The following PPIG variants were observed in gnomAD, a reference collection of about 807,000 sequenced individuals.
PPIG encodes the protein peptidylprolyl isomerase G.
A neutral mutation model predicts 87.9 loss-of-function variants in PPIG; 26 were observed. The observed-to-expected ratio is 0.30, with a 90% CI of 0.22 to 0.41. PPIG has a LOEUF of 0.41. Among genes scored for constraint, PPIG ranks in the 10% least tolerant of loss-of-function variants. The probability of loss-of-function intolerance (pLI) is 1.00; values close to 1 mark genes in which losing one functional copy is unlikely to be tolerated. For synonymous variants in PPIG, 308 were observed against 276.5 expected (o/e 1.11, Z -1.13); for missense variants, 722 against 879.4 (o/e 0.82, Z 2.26).
chr2:169,584,573 G>C (rs568299373), intron 1 of PPIG, 83 bp downstream of exon 1: 2 of 452,996 alleles, frequency 4.4e-6, no homozygotes, highest in East Asian at 1.4e-4. Context: ...CCTGGGAAGA[G>C]GGGCGGAGCC....
chr2:169,600,295 G>A (rs1427777458), intron 1 of PPIG, among the ~76,000 whole-genome samples: 1 of 151,908 alleles, frequency 6.6e-6, no homozygotes, highest in East Asian at 1.9e-4. Flanking sequence ...GGCTGGTCTC[G>A]AACAGCTGGA....
rs1347570866 is a variant in PPIG at position 169,608,747 on chromosome 2, A to T, written c.366A>T (p.Ser122=). 4 of 1,596,738 alleles carry T rather than the reference A, an allele frequency of 2.5e-6. No homozygotes were observed. Among genetic ancestry groups the T allele is most frequent in the Non-Finnish European group, 3.4e-6 (4 of 1,165,272 alleles). ...ACAGAGGGAAGGATACAAATGGTTC[A>T]CAGTTCTTCATGTAAGTATTTATTA... ...MANRGKDTNG[S]QFFITTKPTP... Residue 122 remains serine, a synonymous_variant, in exon 7 of 14, where the codon TCA becomes TCT. Transcript: ENST00000260970.
chr2:169,597,086 A>C (rs989561941), intron 1 of PPIG, among the ~76,000 whole-genome samples: 9 of 152,220 alleles, frequency 5.9e-5, no homozygotes, highest in Non-Finnish European at 1.0e-4. Context: ...TGCAATAAAC[A>C]TAGGAGTGAA....
chr2:169,605,820 C>T (rs13392699), intron 4 of PPIG, among the ~76,000 whole-genome samples: 2,430 of 151,958 alleles, frequency 0.016, 67 homozygotes, highest in African/African-American at 0.056. Context: ...TAAAACCAAA[C>T]ATTAGTTGTA....
At chr2:169,622,960 C>CA (rs1685796699) in intron 9 of PPIG, among the ~76,000 whole-genome samples, 1 of 152,012 alleles carries the variant, frequency 6.6e-6, no homozygotes, top group African/African-American at 2.4e-5. Flanking sequence ...TGAAAGAAAA[C>CA]AAAAAGACTT....
At position 169,640,322 on chromosome 2, in the gene PPIG, A is replaced by G. The variant is rs1418088547; in HGVS notation, c.*2799A>G. ...TGTGCCTAGTGGAAGGTATGGAGCT[A>G]AACAATTAAAGAACTCTTCATTATG... is the stretch of plus-strand genomic sequence containing the variant. On this transcript the variant is annotated 3_prime_UTR_variant, in exon 14 of 14. Coordinates refer to ENST00000260970, the MANE Select transcript of PPIG (RefSeq NM_004792.3). 2 of 152,212 alleles carry G rather than the reference A, an allele frequency of 1.3e-5. No homozygotes were observed. Among genetic ancestry groups the G allele is most frequent in the Non-Finnish European group, 2.9e-5 (2 of 68,042 alleles). The allele number at this position is 152,212 out of a possible 1,614,324, so 9.4% of individuals were successfully genotyped here. A position where few individuals can be genotyped will look rare whatever the true frequency, so the allele number is the denominator to read the frequency against.
In PPIG at chr2:169,599,957, A is replaced by G. The variant is rs140251476; in HGVS notation, c.-69-3685A>G. On this transcript the variant is annotated intron_variant, in intron 1 of 13. Coordinates refer to ENST00000260970, the MANE Select transcript of PPIG (RefSeq NM_004792.3). ...AAGTTCAAATCTGTTTATCTCCATT[A>G]TTTACTTCATTAGTGAATCTAAAAA... Among the ~76,000 whole-genome samples, 1,055 of 152,092 alleles carry G rather than the reference A, an allele frequency of 6.9e-3. 3 individuals are homozygous for G. The highest frequency in any genetic ancestry group is 0.033 in the South Asian group (157 of 4,824).
intron 1 of PPIG, among the ~76,000 whole-genome samples, chr2:169,585,596 G>A (rs923631494): frequency 6.6e-5 from 10 of 152,266 alleles, no homozygotes; most frequent in Non-Finnish European, 1.2e-4. Flanking sequence ...GTCTAGATGT[G>A]CTGGCAAGGA....
intron 1 of PPIG, among the ~76,000 whole-genome samples, chr2:169,587,640 G>A (rs1684740780): frequency 6.6e-6 from 1 of 152,000 alleles, no homozygotes; most frequent in African/African-American, 2.4e-5. Flanking sequence ...ATAAGAACTC[G>A]GTATTTTTAT....
intron 1 of PPIG, among the ~76,000 whole-genome samples, chr2:169,603,312 A>G (rs771173450): frequency 6.6e-6 from 1 of 152,156 alleles, no homozygotes; most frequent in Non-Finnish European, 1.5e-5. Flanking sequence ...TATCAAAATA[A>G]TGTCTGTTAA....
rs559229004 is a variant in PPIG at position 169,636,021 on chromosome 2, C to T, written c.1018-71C>T. 195 of 1,224,240 alleles carry T rather than the reference C, an allele frequency of 1.6e-4. 3 individuals carry two copies. The South Asian group carries it at 3.2e-3, about 20-fold the overall frequency. The allele number at this position is 1,224,240 out of a possible 1,614,324, so 75.8% of individuals were successfully genotyped here. On this transcript the variant is annotated intron_variant, in intron 12 of 13. Transcript: ENST00000260970. ...CTGACCCTCACCCCAGTACTTCCCT[C>T]CCTCCCAGCACCCATGCGAGTCCCT...
chr2:169,610,045 G>A (rs1311158551), intron 7 of PPIG, among the ~76,000 whole-genome samples: 2 of 152,154 alleles, frequency 1.3e-5, no homozygotes, highest in Non-Finnish European at 2.9e-5. Flanking sequence ...TGTCAGTAAT[G>A]CCTGTTTTTA....
chr2:169,606,789 A>T (rs896001439), intron 5 of PPIG, among the ~76,000 whole-genome samples: 1 of 152,076 alleles, frequency 6.6e-6, no homozygotes, highest in Non-Finnish European at 1.5e-5. Context: ...AAAATATCAA[A>T]ACTATAGTTT....
At chr2:169,603,106 A>G (rs1029314029) in intron 1 of PPIG, among the ~76,000 whole-genome samples, 8 of 152,298 alleles carry the variant, frequency 5.3e-5, no homozygotes, top group Middle Eastern at 3.4e-3. Context: ...TTTGTCTTAG[A>G]TATATTAATT....
chr2:169,634,775 A>G (rs894609081), intron 12 of PPIG, among the ~76,000 whole-genome samples: 2 of 152,204 alleles, frequency 1.3e-5, no homozygotes, highest in Admixed American at 6.5e-5. Flanking sequence ...ATGTGTTTCA[A>G]GCTTTACCCC....
intron 1 of PPIG, among the ~76,000 whole-genome samples, chr2:169,592,209 C>T (rs1366875034): frequency 2.0e-5 from 3 of 149,694 alleles, no homozygotes; most frequent in Admixed American, 1.3e-4. Flanking sequence ...TTGGTATCTC[C>T]TAGCATTATT....
intron 1 of PPIG, among the ~76,000 whole-genome samples, chr2:169,597,678 T>C (rs72887827): frequency 0.018 from 2,696 of 152,046 alleles, 47 homozygotes; most frequent in South Asian, 0.045. Flanking sequence ...TTTATATTTT[T>C]AGTAAAGACA....
chr2:169,626,296 ATC>A, intron 9 of PPIG, among the ~76,000 whole-genome samples: 1 of 152,228 alleles, frequency 6.6e-6, no homozygotes, highest in Admixed American at 6.5e-5. Context: ...CTTTAATGCC[ATC>A]TCTTTCTCAA....
At chr2:169,601,214 A>G (rs1685174053) in intron 1 of PPIG, among the ~76,000 whole-genome samples, 1 of 152,206 alleles carries the variant, frequency 6.6e-6, no homozygotes, top group Non-Finnish European at 1.5e-5. Flanking sequence ...TCCCCATTGT[A>G]AGATATTTTG....
Sources: gnomAD v4.1 joint callset for allele counts (sites outside exome capture counted in the v4.1 genomes callset) on GRCh38, gnomAD v4.1.1 for gene constraint, MANE v1.5 for transcripts, NCBI Gene and HGNC (gene_info 2026-07-23, HGNC 2026-07-21) for gene names.